The following MAPK10 variants were observed in gnomAD, a reference collection of about 807,000 sequenced individuals.
The protein encoded by MAPK10 is mitogen-activated protein kinase 10.
A neutral mutation model predicts 59.3 loss-of-function variants in MAPK10; 25 were observed. That is an observed-to-expected ratio of 0.42 (90% CI 0.31 to 0.59). MAPK10 has a LOEUF of 0.59. MAPK10 is among the 20% of genes least tolerant of loss of function. The probability of loss-of-function intolerance (pLI) is 0.15; values close to 1 mark genes in which losing one functional copy is unlikely to be tolerated. For missense variants in MAPK10, 351 were observed against 568.9 expected, an observed-to-expected ratio of 0.62 and a Z score of 3.90; for synonymous variants, 190 against 200.5, an observed-to-expected ratio of 0.95 and a Z score of 0.44.
intron 2 of MAPK10, among the ~76,000 whole-genome samples, chr4:86,332,099 T>C (rs1442820213): frequency 6.6e-6 from 1 of 152,206 alleles, no homozygotes; most frequent in Non-Finnish European, 1.5e-5. Context: ...GCTCCATTTA[T>C]GGTACACAAT....
At chr4:86,190,250 T>C (rs771697284) in intron 3 of MAPK10, among the ~76,000 whole-genome samples, 5 of 152,204 alleles carry the variant, frequency 3.3e-5, no homozygotes, top group Non-Finnish European at 7.3e-5. Context: ...ATCAGTATGA[T>C]GCTGGCCTCA....
At chr4:86,042,207 A>G (rs145103787) in intron 11 of MAPK10, among the ~76,000 whole-genome samples, 4 of 152,338 alleles carry the variant, frequency 2.6e-5, no homozygotes, top group African/African-American at 7.2e-5. Context: ...TCAGCAAACT[A>G]ACAACTAGCA....
At chr4:86,278,837 C>G (rs2094686518) in intron 2 of MAPK10, among the ~76,000 whole-genome samples, 1 of 151,960 alleles carries the variant, frequency 6.6e-6, no homozygotes, top group Non-Finnish European at 1.5e-5. Flanking sequence ...TACAAACTAC[C>G]TGAACAAATG....
chr4:86,410,510 C>T (rs1230467852), intron 1 of MAPK10, among the ~76,000 whole-genome samples: 11 of 152,182 alleles, frequency 7.2e-5, no homozygotes, highest in East Asian at 1.9e-4. Context: ...TGGTAGAATT[C>T]GGCTGTGAAT....
chr4:86,103,075 C>CTCTGTGTGTG (rs563777764), intron 6 of MAPK10, 111 bp downstream of exon 6: 1 of 496,826 alleles, frequency 2.0e-6, no homozygotes, highest in Non-Finnish European at 3.6e-6. Flanking sequence ...GATTTCAACT[C>CTCTGTGTGTG]TGTGTGTGTG....
At chr4:86,360,935 G>A (rs147812568), upstream of MAPK10, among the ~76,000 whole-genome samples, 987 of 152,010 alleles carry the variant, frequency 6.5e-3, 7 homozygotes, top group African/African-American at 0.021. Flanking sequence ...TACAAATTTC[G>A]CTTAAACCAA....
intron 1 of MAPK10, among the ~76,000 whole-genome samples, chr4:86,583,098 G>C (rs1380491593): frequency 6.6e-6 from 1 of 151,930 alleles, no homozygotes; most frequent in African/African-American, 2.4e-5. Flanking sequence ...TCTGTCTGTA[G>C]TACCCCCATG....
rs140676654 is a variant in MAPK10, at chr4:86,539,080, G to T, written c.-263+54830C>A. Among the ~76,000 whole-genome samples, 6 of 152,090 alleles carry T rather than the reference G, an allele frequency of 3.9e-5. No homozygotes were observed. In the South Asian group the frequency reaches 1.2e-3, roughly 32 times the overall value. On this transcript the variant is annotated intron_variant, in intron 1 of 4. Coordinates refer to the MAPK10 transcript ENST00000502302. ...TTATGAGGTGGGCTTGCAAAAAACCGATTTGTATGCAAACTGAAGAGCCTC... is the reference window on the plus strand; with the variant it reads ...TTATGAGGTGGGCTTGCAAAAAACCTATTTGTATGCAAACTGAAGAGCCTC...
At chr4:86,051,803 T>G (rs1239250282) in intron 11 of MAPK10, among the ~76,000 whole-genome samples, 1 of 152,230 alleles carries the variant, frequency 6.6e-6, no homozygotes, top group African/African-American at 2.4e-5. Flanking sequence ...CGTCTCAACT[T>G]TTTGTTGCAA....
intron 2 of MAPK10, among the ~76,000 whole-genome samples, chr4:86,343,030 G>T (rs930622900): frequency 2.0e-5 from 3 of 152,124 alleles, no homozygotes; most frequent in African/African-American, 7.2e-5. Flanking sequence ...TCCTAGCCAT[G>T]TCTCTGATGC....
intron 2 of MAPK10, among the ~76,000 whole-genome samples, chr4:86,195,790 G>T (rs1354662908): frequency 6.6e-6 from 1 of 151,982 alleles, no homozygotes; most frequent in Non-Finnish European, 1.5e-5. Context: ...TCATTGTTCA[G>T]CTCCCACTTA....
chr4:86,297,787 C>T (rs1445056877), intron 2 of MAPK10, among the ~76,000 whole-genome samples: 3 of 152,094 alleles, frequency 2.0e-5, no homozygotes, highest in Non-Finnish European at 2.9e-5. Context: ...CAAGAGTGAT[C>T]GATGTCAAAC....
At chr4:86,305,387 T>C (rs1564185437) in intron 2 of MAPK10, among the ~76,000 whole-genome samples, 1 of 152,228 alleles carries the variant, frequency 6.6e-6, no homozygotes, top group Non-Finnish European at 1.5e-5. Context: ...GTTTCCATTA[T>C]GTAAGATTTA....
chr4:86,475,034 C>T (rs1752964154), intron 1 of MAPK10, among the ~76,000 whole-genome samples: 1 of 152,158 alleles, frequency 6.6e-6, no homozygotes, highest in Non-Finnish European at 1.5e-5. Context: ...GACCCCCACT[C>T]CTGCCTGCCA....
chr4:86,359,932 AC>A lies in MAPK10; in HGVS notation c.-397del, dbSNP rs1564716630. The A allele has an allele frequency of 1.0e-6, 1 of 985,744 alleles. No individual in the cohort carries two copies. The highest frequency in any genetic ancestry group is 1.2e-6 in the Non-Finnish European group (1 of 829,938). The allele number at this position is 985,744 out of a possible 1,614,324, so 61.1% of individuals were successfully genotyped here. ...GGTAAGCATATAGCAAGCACCACCC[AC>A]CCCCATAAAAATAAAAAGTGAAGGG... On this transcript the variant is annotated 5_prime_UTR_variant, in exon 1 of 14. The change creates a premature stop within an existing upstream ORF in the 5' untranslated region. Transcript: ENST00000641462.
intron 9 of MAPK10, 135 bp downstream of exon 9, chr4:86,098,389 T>C (rs767905478): frequency 5.2e-6 from 7 of 1,337,042 alleles, no homozygotes; most frequent in Non-Finnish European, 7.1e-6. Context: ...TTATAGAAAT[T>C]ATCACTTTTT....
intron 2 of MAPK10, among the ~76,000 whole-genome samples, chr4:86,264,000 C>A (rs556196539): frequency 6.6e-6 from 1 of 152,126 alleles, no homozygotes; most frequent in South Asian, 2.1e-4. Flanking sequence ...TTCACAATAA[C>A]AAATTATCAC....
rs2149076475 is a variant in MAPK10, at chr4:86,103,169, T to C, written c.425+17A>G. 1.9e-6 allele frequency: 3 copies of C among 1,597,610 alleles called. No individual in the cohort carries two copies. The highest frequency in any genetic ancestry group is 2.6e-6 in the Non-Finnish European group (3 of 1,166,602). On this transcript the variant is annotated intron_variant, in intron 6 of 13. Transcript: ENST00000641462. ...GAGTGCTGTGCTCTCCCTTCCTTCATGAGTTTTGTTACTTACACATCTTGG... is the reference window on the plus strand; with the variant it reads ...GAGTGCTGTGCTCTCCCTTCCTTCACGAGTTTTGTTACTTACACATCTTGG...
intron 13 of MAPK10, chr4:86,027,193 T>C (rs1262816016): frequency 6.6e-6 from 1 of 152,180 alleles, no homozygotes; most frequent in Non-Finnish European, 1.5e-5. Flanking sequence ...CATGAATATT[T>C]TTCCTAGATT....
Sources: gnomAD v4.1 joint callset for allele counts (sites outside exome capture counted in the v4.1 genomes callset) on GRCh38, gnomAD v4.1.1 for gene constraint, MANE v1.5 for transcripts, NCBI Gene and HGNC (gene_info 2026-07-23, HGNC 2026-07-21) for gene names.